Variants in BTC observed in about 807,000 individuals in gnomAD.
BTC encodes probetacellulin.
In BTC, 13 loss-of-function variants were observed where a neutral mutation model predicts 18.1. The observed-to-expected ratio is 0.72, with a 90% confidence interval of 0.47 to 1.14. BTC has a LOEUF of 1.14. Ranked by LOEUF, BTC falls within the 50% of genes most tolerant of loss-of-function variation. The pLI, the probability that BTC is intolerant of heterozygous loss-of-function variation, is 0.00. For synonymous variants in BTC, 83 were observed against 79.4 expected (o/e 1.05, Z -0.24); for missense variants, 247 against 224.2 (o/e 1.10, Z -0.65).
At chr4:74,750,775 T>C (rs1021342863) in intron 3 of BTC, 56 bp from the exon 4 acceptor site, 1 of 1,570,182 alleles carries the variant, frequency 6.4e-7, no homozygotes, top group Non-Finnish European at 8.6e-7. Context: ...TAAGAATCTC[T>C]ACTTCTTTTC....
intron 1 of BTC, among the ~76,000 whole-genome samples, chr4:74,782,772 G>T (rs1725367855): frequency 6.6e-6 from 1 of 152,004 alleles, no homozygotes; most frequent in South Asian, 2.1e-4. Context: ...GTAGTTTTTT[G>T]ACTTCTTAAT....
intron 1 of BTC, among the ~76,000 whole-genome samples, chr4:74,792,978 A>G (rs575698595): frequency 6.4e-4 from 97 of 152,330 alleles, no homozygotes; most frequent in African/African-American, 2.2e-3. Context: ...CCATTGCTAC[A>G]TACCTCAGCA....
At chr4:74,756,531 C>T (rs181188347) in intron 2 of BTC, among the ~76,000 whole-genome samples, 1 of 152,188 alleles carries the variant, frequency 6.6e-6, no homozygotes. Flanking sequence ...CTTCCAAGAT[C>T]ACACAGATAG....
intron 1 of BTC, among the ~76,000 whole-genome samples, chr4:74,790,899 G>T (rs984303760): frequency 6.6e-6 from 1 of 152,232 alleles, no homozygotes; most frequent in African/African-American, 2.4e-5. Context: ...AGATGTATGG[G>T]TAGGCAGTAG....
rs1725608423 is a variant in BTC, at chr4:74,790,971, G to T, written c.64+3291C>A. On this transcript the variant is annotated intron_variant, in intron 1 of 5. Coordinates refer to ENST00000395743, the MANE Select transcript of BTC (RefSeq NM_001729.4). ...TACATGCTTTTTAAATAAGTCAAAA[G>T]AAATGGTTTCCAGTATTGGTTTTTC... 2.6e-5 allele frequency among the ~76,000 whole-genome samples: 4 copies of T among 152,302 alleles called. No individual in the cohort carries two copies. The South Asian group carries it at 8.3e-4, about 32-fold the overall frequency.
intron 1 of BTC, among the ~76,000 whole-genome samples, chr4:74,788,622 T>A (rs987756963): frequency 3.9e-5 from 6 of 152,226 alleles, no homozygotes; most frequent in African/African-American, 1.4e-4. Context: ...TGGTAAAATT[T>A]AACATGGTAA....
chr4:74,772,612 G>A (rs1472534017), intron 1 of BTC, among the ~76,000 whole-genome samples: 1 of 151,218 alleles, frequency 6.6e-6, no homozygotes, highest in Non-Finnish European at 1.5e-5. Context: ...TTTCTTCATG[G>A]GCAGTAATAG....
At chr4:74,747,543 A>G (rs1347787864) in intron 5 of BTC, among the ~76,000 whole-genome samples, 1 of 152,138 alleles carries the variant, frequency 6.6e-6, no homozygotes, top group East Asian at 1.9e-4. Flanking sequence ...AAGCTCAGGG[A>G]GACTCAGTAT....
chr4:74,790,442 A>C (rs1725592979), intron 1 of BTC, among the ~76,000 whole-genome samples: 1 of 152,214 alleles, frequency 6.6e-6, no homozygotes, highest in African/African-American at 2.4e-5. Flanking sequence ...AGCAAGTCAC[A>C]GCACCAGGAG....
intron 2 of BTC, among the ~76,000 whole-genome samples, chr4:74,764,670 T>C (rs983627727): frequency 2.0e-5 from 3 of 152,164 alleles, no homozygotes; most frequent in African/African-American, 7.2e-5. Flanking sequence ...AAATAATGTC[T>C]TTTGTAGCAA....
At chr4:74,756,769 C>T (rs1327457780) in intron 2 of BTC, among the ~76,000 whole-genome samples, 13 of 152,204 alleles carry the variant, frequency 8.5e-5, no homozygotes, top group Non-Finnish European at 1.0e-4. Context: ...ATACTGAAAA[C>T]TTCATGCTCT....
At chr4:74,768,935 A>T (rs900598973) in intron 2 of BTC, among the ~76,000 whole-genome samples, 3 of 152,168 alleles carry the variant, frequency 2.0e-5, no homozygotes, top group African/African-American at 7.2e-5. Flanking sequence ...TCTTCTGCCT[A>T]CATGGATGAC....
rs782566019 is a variant in BTC at position 74,750,570 on chromosome 4, T to A, written c.428+3A>T. Reference sequence around the variant, plus strand: ...ACTTAAAATTAAGTTTAAAAATACTTACTGACAGCATGTGCAGACACCGAT... The same window carrying A: ...ACTTAAAATTAAGTTTAAAAATACTAACTGACAGCATGTGCAGACACCGAT... On this transcript the variant is annotated splice_donor_region_variant and intron_variant, in intron 4 of 5. Transcript: ENST00000395743. The A allele has an allele frequency of 6.9e-6, 11 of 1,604,128 alleles. No homozygotes were observed. Among genetic ancestry groups the A allele is most frequent in the Non-Finnish European group, 9.3e-6 (11 of 1,177,228 alleles).
At chr4:74,770,889 G>A (rs1186984938) in intron 1 of BTC, among the ~76,000 whole-genome samples, 2 of 150,350 alleles carry the variant, frequency 1.3e-5, no homozygotes, top group East Asian at 3.9e-4. Context: ...TGTGGTTTAG[G>A]TTACAAAACA....
At chr4:74,757,779 T>C (rs1174253623) in intron 2 of BTC, among the ~76,000 whole-genome samples, 6 of 152,194 alleles carry the variant, frequency 3.9e-5, no homozygotes, top group African/African-American at 1.4e-4. Flanking sequence ...AAATTCGTGT[T>C]TAATTTTTAG....
intron 2 of BTC, among the ~76,000 whole-genome samples, chr4:74,765,920 C>T (rs1158873310): frequency 6.6e-6 from 1 of 152,068 alleles, no homozygotes; most frequent in African/African-American, 2.4e-5. Flanking sequence ...TGTACTTACA[C>T]AAATTTAGAC....
chr4:74,749,383 C>CA (rs1404236450), intron 4 of BTC, among the ~76,000 whole-genome samples: 1 of 151,862 alleles, frequency 6.6e-6, no homozygotes, highest in Non-Finnish European at 1.5e-5. Context: ...TGCTTGAACC[C>CA]AGGAGGCAGA....
intron 2 of BTC, among the ~76,000 whole-genome samples, chr4:74,768,064 A>G (rs1026799086): frequency 3.3e-5 from 5 of 152,170 alleles, no homozygotes; most frequent in Non-Finnish European, 7.4e-5. Flanking sequence ...CTTCACAGCA[A>G]AAGAAACAAC....
At chr4:74,756,083 A>C in intron 2 of BTC, 107 bp from the exon 3 acceptor site, 1 of 1,058,860 alleles carries the variant, frequency 9.4e-7, no homozygotes, top group Non-Finnish European at 1.5e-6. Context: ...ATATGTTTGA[A>C]TCTCTCATTT....
Sources: gnomAD v4.1 joint callset for allele counts (sites outside exome capture counted in the v4.1 genomes callset) on GRCh38, gnomAD v4.1.1 for gene constraint, MANE v1.5 for transcripts, NCBI Gene and HGNC (gene_info 2026-07-23, HGNC 2026-07-21) for gene names.